BPIFB2: variants seen among roughly 807,000 people sequenced by gnomAD.
BPIFB2 encodes the protein BPI fold-containing family B member 2.
A neutral mutation model predicts 50.1 loss-of-function variants in BPIFB2; 39 were observed. The observed-to-expected ratio is 0.78, with a 90% confidence interval of 0.60 to 1.02. The LOEUF (loss-of-function observed/expected upper bound fraction) is 1.02. Among genes scored for constraint, BPIFB2 ranks in the 50% least tolerant of loss-of-function variants. The pLI is 0.00. For synonymous variants in BPIFB2, 280 were observed against 256.3 expected, an observed-to-expected ratio of 1.09 and a Z score of -0.88; for missense variants, 574 against 585.8, an observed-to-expected ratio of 0.98 and a Z score of 0.21.
chr20:33,018,389 T>G, intron 8 of BPIFB2, 39 bp downstream of exon 8: 1 of 1,542,922 alleles, frequency 6.5e-7, no homozygotes, highest in Non-Finnish European at 8.9e-7. Context: ...GGGGGCTTGC[T>G]GCCTCTGGAG....
chr20:33,017,807 T>C (rs1389161397), intron 7 of BPIFB2, among the ~76,000 whole-genome samples: 1 of 152,222 alleles, frequency 6.6e-6, no homozygotes, highest in Non-Finnish European at 1.5e-5. Context: ...CATGTGTGCA[T>C]ACGTGTGTAT....
intron 5 of BPIFB2, among the ~76,000 whole-genome samples, chr20:33,015,193 G>A (rs1430818677): frequency 1.3e-5 from 2 of 152,110 alleles, no homozygotes; most frequent in Non-Finnish European, 2.9e-5. Flanking sequence ...TCTGTCTCAC[G>A]CGCCACATTC....
chr20:33,013,193 G>A (rs764005969), intron 4 of BPIFB2, among the ~76,000 whole-genome samples: 12 of 152,138 alleles, frequency 7.9e-5, no homozygotes, highest in Admixed American at 4.6e-4. Context: ...TGCCAATGAC[G>A]GTTTGGTGAA....
intron 1 of BPIFB2, among the ~76,000 whole-genome samples, chr20:33,008,132 A>G (rs1754539990): frequency 6.6e-6 from 1 of 152,190 alleles, no homozygotes; most frequent in African/African-American, 2.4e-5. Flanking sequence ...CTGGACACCA[A>G]GCTGGCTGTC....
chr20:33,019,395 A>C (rs933928549), intron 10 of BPIFB2, among the ~76,000 whole-genome samples, 185 bp from the exon 11 acceptor site: 6 of 151,872 alleles, frequency 4.0e-5, no homozygotes, highest in African/African-American at 1.5e-4. Context: ...CTCCTCGGGG[A>C]GATCCAACCC....
chr20:33,016,964 C>T, intron 6 of BPIFB2, 78 bp from the exon 7 acceptor site: 1 of 1,365,276 alleles, frequency 7.3e-7, no homozygotes, highest in South Asian at 1.2e-5. Context: ...GACAGGGACT[C>T]TAGACCCCTC....
chr20:33,019,651 G>A lies in BPIFB2; in HGVS notation c.981G>A (p.Met327Ile), dbSNP rs1262951854. Reference protein sequence around the residue: ...KVRLGATPVAMLHTNNATLRL... With the variant: ...KVRLGATPVAILHTNNATLRL... The stretch of plus-strand genomic sequence containing the variant: ...GGCTGGGTGCCACACCTGTGGCCAT[G>A]CTCCACACAAACAACGCCACCCTGC... The change falls in exon 11 of 16, where the codon ATG (methionine) becomes ATA (isoleucine). Residue 327 changes from methionine (M) to isoleucine (I), a missense_variant. Transcript: ENST00000170150. The A allele has an allele frequency of 6.2e-7, 1 of 1,612,650 alleles. No individual in the cohort carries two copies. Among genetic ancestry groups the A allele is most frequent in the East Asian group, 2.2e-5 (1 of 44,832 alleles).
At chr20:33,016,972 C>T (rs1002146893) in intron 6 of BPIFB2, 70 bp from the exon 7 acceptor site, 9 of 1,443,390 alleles carry the variant, frequency 6.2e-6, no homozygotes, top group African/African-American at 5.6e-5. Context: ...CTCTAGACCC[C>T]TCTCAGCCTT....
Position 33,020,391 on chromosome 20 carries a change from C to T in BPIFB2, c.1144C>T (p.Leu382=), listed in dbSNP as rs1389873742. ...KVKLQGTTSV[L]GDVQLTVASS... is the part of the protein sequence containing the mutation. ...GAAGCTTCAGGGGACCACGTCTGTGCTGGGGTAAACGAGCCCACCTGGACC... is the reference window on the plus strand; with the variant it reads ...GAAGCTTCAGGGGACCACGTCTGTGTTGGGGTAAACGAGCCCACCTGGACC... The change falls in exon 12 of 16, where the codon CTG becomes TTG. Residue 382 remains leucine (L), a synonymous_variant. Coordinates refer to ENST00000170150, the MANE Select transcript of BPIFB2 (RefSeq NM_025227.3). 6.2e-7 allele frequency: 1 copy of T among 1,614,066 alleles called. No homozygotes were observed. The highest frequency in any genetic ancestry group is 8.5e-7 in the Non-Finnish European group (1 of 1,179,970).
chr20:33,022,071 C>T (rs890122296), intron 15 of BPIFB2, among the ~76,000 whole-genome samples: 9 of 152,152 alleles, frequency 5.9e-5, no homozygotes, highest in Non-Finnish European at 1.2e-4. Context: ...GGGCACAACC[C>T]CTTTGATATC....
rs1454997443 is a variant in BPIFB2 at position 33,008,562 on chromosome 20, G to A, written c.-13G>A. 4.4e-6 allele frequency: 7 copies of A among 1,573,260 alleles called. No homozygotes were observed. The highest frequency in any genetic ancestry group is 2.3e-5 in the South Asian group (2 of 85,342). On this transcript the variant is annotated 5_prime_UTR_variant, in exon 2 of 16. Coordinates refer to ENST00000170150, the MANE Select transcript of BPIFB2 (RefSeq NM_025227.3). ...CCAGCCCACAGATCCTGTGGGCAGC[G>A]GCCAGGGCAGCCATGGCTTGGGCAA...
chr20:33,013,783 T>G (rs1336563160), intron 4 of BPIFB2, 27 bp from the exon 5 acceptor site: 4 of 1,606,306 alleles, frequency 2.5e-6, no homozygotes, highest in Non-Finnish European at 3.4e-6. Flanking sequence ...GCGGTGCTGC[T>G]CGGGCTCAGG....
At chr20:33,016,954 G>C (rs1342312087) in intron 6 of BPIFB2, 88 bp from the exon 7 acceptor site, 9 of 1,250,506 alleles carry the variant, frequency 7.2e-6, no homozygotes, top group African/African-American at 1.5e-5. Flanking sequence ...GAGGCTTCTA[G>C]ACAGGGACTC....
At chr20:33,019,557 C>G (rs1480623337) in intron 10 of BPIFB2, 23 bp from the exon 11 acceptor site, 1 of 1,561,536 alleles carries the variant, frequency 6.4e-7, no homozygotes, top group Non-Finnish European at 8.7e-7. Flanking sequence ...TCAGCAGGGC[C>G]TCCTCCGCCT....
In BPIFB2 at chr20:33,021,898, A is replaced by G; in HGVS notation, c.1335+99A>G. On this transcript the variant is annotated intron_variant, in intron 15 of 15. Coordinates refer to ENST00000170150, the MANE Select transcript of BPIFB2 (RefSeq NM_025227.3). ...TCCCTCCCCCTCTGTGGCTGCCAAA[A>G]CCATGCCATGAATCCTTAACTGCAA... is the stretch of plus-strand genomic sequence containing the variant. The G allele has an allele frequency of 3.3e-6, 4 of 1,209,398 alleles. No individual in the cohort carries two copies. In the South Asian group the frequency reaches 3.7e-5, roughly 11 times the overall value. 74.9% of individuals were successfully genotyped at this position (1,209,398 alleles called of 1,614,324 possible).
At chr20:33,019,856 G>T in intron 11 of BPIFB2, 106 bp downstream of exon 11, 1 of 1,335,606 alleles carries the variant, frequency 7.5e-7, no homozygotes, top group Non-Finnish European at 9.9e-7. Context: ...TGTCTTCGCT[G>T]TTCCTTGAAT....
chr20:33,011,133 C>T lies in BPIFB2; in HGVS notation c.203+16C>T. 6.2e-7 allele frequency: 1 copy of T among 1,610,254 alleles called. No individual in the cohort carries two copies. The highest frequency in any genetic ancestry group is 1.1e-5 in the South Asian group (1 of 90,934). On this transcript the variant is annotated intron_variant, in intron 3 of 15. Transcript: ENST00000170150. ...AGCCCACCAGGTGAGTGCTCCCCTC[C>T]TCCAGAGAAGGTGCTCCTGCCACCA...
At chr20:33,021,233 TG>T in intron 13 of BPIFB2, 47 bp from the exon 14 acceptor site, 1 of 1,594,030 alleles carries the variant, frequency 6.3e-7, no homozygotes, top group Non-Finnish European at 8.6e-7. Flanking sequence ...CCATCTCTCC[TG>T]GCCCCTCGGC....
chr20:33,015,762 G>C (rs1267870568), intron 6 of BPIFB2, among the ~76,000 whole-genome samples: 3 of 152,076 alleles, frequency 2.0e-5, no homozygotes, highest in Non-Finnish European at 4.4e-5. Flanking sequence ...TTTCATGCTA[G>C]AGGGTGGATG....
Sources: allele counts gnomAD v4.1 joint callset (sites outside exome capture counted in the v4.1 genomes callset), GRCh38; gene constraint gnomAD v4.1.1; transcripts MANE v1.5; gene names NCBI Gene and HGNC (gene_info 2026-07-23, HGNC 2026-07-21).